Variants in CFAP299 observed in about 807,000 individuals in gnomAD.
The protein encoded by CFAP299 is cilia- and flagella-associated protein 299.
In CFAP299, 21 loss-of-function variants were observed where a neutral mutation model predicts 27.0. The ratio of observed to expected loss-of-function variants is 0.78; its 90% CI spans 0.55 to 1.12. The LOEUF (loss-of-function observed/expected upper bound fraction) is 1.12, where lower values mean the gene tolerates loss of function less well. Among genes scored for constraint, CFAP299 ranks in the 50% most tolerant of loss-of-function variants. The pLI is 0.00. For missense variants in CFAP299, 310 were observed against 276.6 expected (o/e 1.12, Z -0.86); for synonymous variants, 104 against 98.1 (o/e 1.06, Z -0.36).
chr4:80,626,441 CAAAT>C (rs1738909232), intron 3 of CFAP299, among the ~76,000 whole-genome samples: 1 of 151,544 alleles, frequency 6.6e-6, no homozygotes, highest in South Asian at 2.1e-4. Flanking sequence ...TAAAAGATCT[CAAAT>C]AAACAACCTA....
upstream of CFAP299, among the ~76,000 whole-genome samples, chr4:80,334,422 C>T (rs1007314846): frequency 6.6e-6 from 1 of 152,026 alleles, no homozygotes; most frequent in African/African-American, 2.4e-5. Flanking sequence ...GGATTACAGG[C>T]GCCCACCATC....
intron 2 of CFAP299, among the ~76,000 whole-genome samples, chr4:80,562,896 A>G (rs1254898959): frequency 1.3e-5 from 2 of 152,004 alleles, no homozygotes; most frequent in Non-Finnish European, 2.9e-5. Context: ...AGGAGTCACT[A>G]TACTTATATC....
At chr4:80,575,431 T>A (rs1735804309) in intron 2 of CFAP299, among the ~76,000 whole-genome samples, 1 of 152,002 alleles carries the variant, frequency 6.6e-6, no homozygotes, top group South Asian at 2.1e-4. Context: ...GCTCGTGTGA[T>A]CTTCCCACCT....
At chr4:80,416,920 T>G (rs554760787) in intron 2 of CFAP299, among the ~76,000 whole-genome samples, 2 of 152,280 alleles carry the variant, frequency 1.3e-5, no homozygotes, top group African/African-American at 4.8e-5. Context: ...AAGAAATAAT[T>G]CAGGGTGAGT....
intron 3 of CFAP299, among the ~76,000 whole-genome samples, chr4:80,641,683 T>C (rs1211702264): frequency 6.6e-6 from 1 of 152,176 alleles, no homozygotes; most frequent in African/African-American, 2.4e-5. Flanking sequence ...CAGCTTATAT[T>C]TCATACAAGA....
chr4:80,333,658 TACATA>T (rs1722019745), upstream of CFAP299, among the ~76,000 whole-genome samples: 1 of 152,232 alleles, frequency 6.6e-6, no homozygotes, highest in Non-Finnish European at 1.5e-5. Context: ...TTGTTATTCT[TACATA>T]ACATATGTTT....
chr4:80,661,941 C>T (rs1230180420), intron 3 of CFAP299, among the ~76,000 whole-genome samples: 1 of 152,138 alleles, frequency 6.6e-6, no homozygotes, highest in Non-Finnish European at 1.5e-5. Flanking sequence ...AAATAAGCCC[C>T]AGTCTCCCAT....
intron 4 of CFAP299, chr4:80,871,629 T>C (rs1733102950): frequency 3.1e-6 from 3 of 982,892 alleles, no homozygotes; most frequent in South Asian, 4.7e-5. Flanking sequence ...TTGTTTTTCA[T>C]CACCACCTTT....
At chr4:80,551,252 A>G (rs1734499144) in intron 2 of CFAP299, among the ~76,000 whole-genome samples, 3 of 152,206 alleles carry the variant, frequency 2.0e-5, no homozygotes, top group Admixed American at 2.0e-4. Context: ...GGGTTCTTAC[A>G]ACGGTATTTG....
chr4:80,402,504 GC>G (rs1349255012), intron 2 of CFAP299, among the ~76,000 whole-genome samples: 1 of 152,110 alleles, frequency 6.6e-6, no homozygotes, highest in Non-Finnish European at 1.5e-5. Flanking sequence ...ATGTAAGCAT[GC>G]CTTTCGTCTC....
chr4:80,873,947 G>A (rs1365194406), intron 4 of CFAP299, among the ~76,000 whole-genome samples: 4 of 152,076 alleles, frequency 2.6e-5, no homozygotes, highest in Non-Finnish European at 5.9e-5. Flanking sequence ...AGCTTTGAAA[G>A]GTATTATTGT....
chr4:80,362,995 C>T, intron 2 of CFAP299, 111 bp downstream of exon 2: 4 of 1,217,668 alleles, frequency 3.3e-6, no homozygotes, highest in Non-Finnish European at 3.3e-6. Flanking sequence ...GCAGGTAAAA[C>T]TTGGAATATC....
chr4:80,801,804 A>G (rs1178302064), intron 3 of CFAP299, among the ~76,000 whole-genome samples: 1 of 152,150 alleles, frequency 6.6e-6, no homozygotes, highest in Non-Finnish European at 1.5e-5. Flanking sequence ...TTGCTTTCAC[A>G]AGGAAGGATT....
chr4:80,334,818 A>G (rs1560517147), upstream of CFAP299, among the ~76,000 whole-genome samples: 1 of 152,200 alleles, frequency 6.6e-6, no homozygotes, highest in East Asian at 1.9e-4. Context: ...AACTGAAATG[A>G]AGTATCTTAC....
chr4:80,645,928 G>A (rs1739987502), intron 3 of CFAP299, among the ~76,000 whole-genome samples: 1 of 152,154 alleles, frequency 6.6e-6, no homozygotes, highest in African/African-American at 2.4e-5. Context: ...TCTAAACAAA[G>A]TTCTAAAACT....
At chr4:80,732,895 T>C (rs1277182657) in intron 3 of CFAP299, among the ~76,000 whole-genome samples, 2 of 152,236 alleles carry the variant, frequency 1.3e-5, no homozygotes, top group Non-Finnish European at 2.9e-5. Context: ...AATTTAGCAG[T>C]GTTTTCTAAC....
chr4:80,586,655 T>G (rs1430400236), intron 3 of CFAP299, among the ~76,000 whole-genome samples: 1 of 152,176 alleles, frequency 6.6e-6, no homozygotes, highest in African/African-American at 2.4e-5. Flanking sequence ...TGTAATTCTT[T>G]CTAGTGAACA....
Position 80,944,930 on chromosome 4 carries a change from G to T in CFAP299, c.597G>T (p.Val199=). Residue 199 remains valine (V), a synonymous_variant, in exon 5 of 6, where the codon GTG becomes GTT. Transcript: ENST00000358105. ...AAAGAGACAGAAAAATTCTTAATGT[G>T]GACCCAAAGGTAATTCTTCTTTTAC... is the stretch of plus-strand genomic sequence containing the variant. ...RYKRDRKILN[V]DPKAQPGDNS... is the part of the protein sequence containing the mutation. 6.2e-7 allele frequency: 1 copy of T among 1,611,408 alleles called. No homozygotes were observed. The highest frequency in any genetic ancestry group is 1.1e-5 in the South Asian group (1 of 90,716).
chr4:80,807,956 G>A (rs538284569), intron 3 of CFAP299, among the ~76,000 whole-genome samples: 2 of 151,828 alleles, frequency 1.3e-5, no homozygotes, highest in South Asian at 4.2e-4. Flanking sequence ...ACATGCAGTT[G>A]CTACAAACAG....
Sources: allele counts gnomAD v4.1 joint callset (sites outside exome capture counted in the v4.1 genomes callset), GRCh38; gene constraint gnomAD v4.1.1; transcripts MANE v1.5; gene names NCBI Gene and HGNC (gene_info 2026-07-23, HGNC 2026-07-21).